The following RALGPS1 variants were observed in gnomAD, a reference collection of about 807,000 sequenced individuals.
RALGPS1 encodes the protein ras-specific guanine nucleotide-releasing factor RalGPS1.
Under a neutral mutation model 78.8 loss-of-function variants are expected in RALGPS1, and 19 were observed. That is an observed-to-expected ratio of 0.24 (90% confidence interval 0.17 to 0.35). RALGPS1 has a LOEUF of 0.35. Among genes scored for constraint, RALGPS1 ranks in the 10% least tolerant of loss-of-function variants. The pLI, the probability that RALGPS1 is intolerant of heterozygous loss-of-function variation, is 1.00. For synonymous variants in RALGPS1, 228 were observed against 256.3 expected (o/e 0.89, Z 1.06); for missense variants, 454 against 688.3 (o/e 0.66, Z 3.81).
intron 1 of RALGPS1, among the ~76,000 whole-genome samples, chr9:126,953,785 G>C (rs1475601210): frequency 1.3e-5 from 2 of 152,144 alleles, no homozygotes; most frequent in Non-Finnish European, 2.9e-5. Context: ...GAATGAGGGA[G>C]TGAACAGAAG....
At chr9:127,084,089 A>G (rs2051440957) in intron 8 of RALGPS1, among the ~76,000 whole-genome samples, 1 of 151,966 alleles carries the variant, frequency 6.6e-6, no homozygotes, top group Non-Finnish European at 1.5e-5. Flanking sequence ...TGTTTAATTA[A>G]TTAATTAATT....
At chr9:127,151,613 T>G (rs1263689083) in intron 8 of RALGPS1, among the ~76,000 whole-genome samples, 1 of 152,204 alleles carries the variant, frequency 6.6e-6, no homozygotes, top group Admixed American at 6.5e-5. Flanking sequence ...TTTTTTATTT[T>G]TTTATTTTTT....
At chr9:126,926,580 T>G (rs773677324) in intron 1 of RALGPS1, among the ~76,000 whole-genome samples, 2 of 152,100 alleles carry the variant, frequency 1.3e-5, no homozygotes, top group Admixed American at 6.6e-5. Flanking sequence ...TTGGGGTCAG[T>G]TCACAGAGGG....
chr9:126,936,335 C>G (rs2036257186), intron 1 of RALGPS1, among the ~76,000 whole-genome samples: 1 of 152,112 alleles, frequency 6.6e-6, no homozygotes, highest in Non-Finnish European at 1.5e-5. Context: ...TGCATAAGAA[C>G]TTTATAAGGA....
At chr9:126,945,883 C>T (rs914025862) in intron 1 of RALGPS1, among the ~76,000 whole-genome samples, 2 of 152,192 alleles carry the variant, frequency 1.3e-5, no homozygotes, top group Admixed American at 6.5e-5. Flanking sequence ...CTTCAGCTTC[C>T]GTTTGGAGAA....
intron 1 of RALGPS1, among the ~76,000 whole-genome samples, chr9:126,953,359 A>C (rs1384109685): frequency 6.6e-6 from 1 of 151,352 alleles, no homozygotes; most frequent in Non-Finnish European, 1.5e-5. Context: ...ATGTGTGTGC[A>C]TGTACACGTG....
intron 4 of RALGPS1, among the ~76,000 whole-genome samples, chr9:127,014,477 CCTA>C (rs1351126200): frequency 6.6e-6 from 1 of 152,166 alleles, no homozygotes; most frequent in Non-Finnish European, 1.5e-5. Flanking sequence ...TTCCAGGAAT[CCTA>C]CTCTGTCTAG....
chr9:126,966,015 A>T, intron 3 of RALGPS1, 64 bp downstream of exon 3: 2 of 1,231,884 alleles, frequency 1.6e-6, no homozygotes, highest in South Asian at 1.2e-5. Flanking sequence ...GGGAGCCACC[A>T]CTTAGGCTTT....
chr9:127,063,264 T>G (rs1225991958), intron 7 of RALGPS1, among the ~76,000 whole-genome samples: 1 of 152,180 alleles, frequency 6.6e-6, no homozygotes, highest in Non-Finnish European at 1.5e-5. Context: ...TACAAGGTAC[T>G]CAGAGCATGA....
chr9:127,016,335 G>A (rs2044824154), intron 4 of RALGPS1, among the ~76,000 whole-genome samples: 1 of 152,158 alleles, frequency 6.6e-6, no homozygotes, highest in South Asian at 2.1e-4. Flanking sequence ...CGGTTATATG[G>A]CCCCTGCTTC....
At chr9:127,003,506 A>G (rs1456041571) in intron 4 of RALGPS1, among the ~76,000 whole-genome samples, 1 of 152,200 alleles carries the variant, frequency 6.6e-6, no homozygotes, top group East Asian at 1.9e-4. Context: ...ACAATGAGAT[A>G]CCATCTCACA....
intron 14 of RALGPS1, among the ~76,000 whole-genome samples, chr9:127,202,598 G>T (rs1349868971): frequency 6.6e-6 from 1 of 152,162 alleles, no homozygotes; most frequent in African/African-American, 2.4e-5. Context: ...AGGACACAGG[G>T]CCTGTGGGGT....
intron 4 of RALGPS1, among the ~76,000 whole-genome samples, chr9:127,009,932 C>G (rs528683093): frequency 3.9e-5 from 6 of 152,238 alleles, no homozygotes; most frequent in African/African-American, 1.4e-4. Flanking sequence ...TACAGAGATT[C>G]TAGAATTCCA....
chr9:127,146,625 C>A (rs2058112001), intron 8 of RALGPS1, among the ~76,000 whole-genome samples: 1 of 151,036 alleles, frequency 6.6e-6, no homozygotes, highest in Non-Finnish European at 1.5e-5. Context: ...CTCACTGCAA[C>A]CTTGGCCTCC....
At chr9:126,990,035 C>G in intron 4 of RALGPS1, 1 of 1,548,506 alleles carries the variant, frequency 6.5e-7, no homozygotes, top group Non-Finnish European at 8.7e-7. Context: ...TGCCGTTTGC[C>G]TGCTCTGAAG....
chr9:127,123,842 T>C (rs970877826), intron 8 of RALGPS1, among the ~76,000 whole-genome samples: 2 of 152,132 alleles, frequency 1.3e-5, no homozygotes, highest in African/African-American at 4.8e-5. Flanking sequence ...AGTAGGAGGA[T>C]GGCAGGCACC....
chr9:127,060,332 G>A (rs1358343895), intron 7 of RALGPS1, among the ~76,000 whole-genome samples: 1 of 152,198 alleles, frequency 6.6e-6, no homozygotes, highest in Admixed American at 6.5e-5. Flanking sequence ...ACCTGCATTT[G>A]TGTGGGGACC....
At chr9:127,196,973 TC>T (rs936514957) in intron 13 of RALGPS1, among the ~76,000 whole-genome samples, 1 of 152,034 alleles carries the variant, frequency 6.6e-6, no homozygotes, top group Non-Finnish European at 1.5e-5. Flanking sequence ...CAGGCTTCTG[TC>T]CCTGGGGGAT....
At chr9:127,116,638 G>A (rs1391040176) in intron 8 of RALGPS1, among the ~76,000 whole-genome samples, 2 of 152,180 alleles carry the variant, frequency 1.3e-5, no homozygotes, top group African/African-American at 4.8e-5. Context: ...ACTGCCCCAG[G>A]GTGACTTTCT....
Sources: allele counts gnomAD v4.1 joint callset (sites outside exome capture counted in the v4.1 genomes callset), GRCh38; gene constraint gnomAD v4.1.1; transcripts MANE v1.5; gene names NCBI Gene and HGNC (gene_info 2026-07-23, HGNC 2026-07-21).